The following ARFGAP2 variants were observed in gnomAD, a reference collection of about 807,000 sequenced individuals.
The protein encoded by ARFGAP2 is ARF GTPase activating protein 2.
In ARFGAP2, 45 loss-of-function variants were observed where a neutral mutation model predicts 71.9. That is an observed-to-expected ratio of 0.63 (90% CI 0.49 to 0.80). ARFGAP2 has a LOEUF of 0.80. ARFGAP2 is among the 30% of genes least tolerant of loss of function. The probability of loss-of-function intolerance (pLI) is 0.00; values close to 1 mark genes in which losing one functional copy is unlikely to be tolerated. For synonymous variants in ARFGAP2, 248 were observed against 249.2 expected (o/e 1.00, Z 0.05); for missense variants, 633 against 673.9 (o/e 0.94, Z 0.67).
chr11:47,168,321 G>A (rs1590948357), intron 10 of ARFGAP2, 70 bp from the exon 11 acceptor site: 1 of 1,597,622 alleles, frequency 6.3e-7, no homozygotes. Context: ...AAGAGACAAT[G>A]CCCAGCAACT....
chr11:47,166,422 A>C, intron 14 of ARFGAP2, 36 bp from the exon 15 acceptor site: 1 of 1,612,188 alleles, frequency 6.2e-7, no homozygotes, highest in East Asian at 2.2e-5. Flanking sequence ...AGAGCCCAGC[A>C]AGAAGCCCTT....
intron 2 of ARFGAP2, 109 bp downstream of exon 2, chr11:47,176,407 G>T: frequency 9.1e-7 from 1 of 1,095,772 alleles, no homozygotes; most frequent in Non-Finnish European, 1.4e-6. Context: ...CGGCCCAGAG[G>T]CTTCCCACCG....
chr11:47,168,102 A>G, intron 11 of ARFGAP2, 21 bp downstream of exon 11: 1 of 1,614,246 alleles, frequency 6.2e-7, no homozygotes, highest in Non-Finnish European at 8.5e-7. Context: ...AGCCAAGTTT[A>G]CAGCTAGAAA....
chr11:47,176,152 G>GGCAC, intron 2 of ARFGAP2: 4 of 598,662 alleles, frequency 6.7e-6, no homozygotes, highest in Non-Finnish European at 1.2e-5. Flanking sequence ...CACATTCTCA[G>GGCAC]GCACGCACGC....
Position 47,173,849 on chromosome 11 carries a change from G to C in ARFGAP2, c.481-9C>G. 1.9e-6 allele frequency: 3 copies of C among 1,592,844 alleles called. No individual in the cohort carries two copies. Among genetic ancestry groups the C allele is most frequent in the Non-Finnish European group, 2.6e-6 (3 of 1,170,100 alleles). On this transcript the variant is annotated splice_polypyrimidine_tract_variant and intron_variant, in intron 5 of 15. Transcript: ENST00000524782. The stretch of plus-strand genomic sequence containing the variant: ...GCATCCCAGGCAGGGGGCTGAAAAG[G>C]AGGCCAGATCACAGATGCCTCGGTG...
intron 5 of ARFGAP2, 139 bp downstream of exon 5, chr11:47,174,876 G>A (rs560907160): frequency 1.1e-6 from 1 of 880,340 alleles, no homozygotes; most frequent in African/African-American, 1.7e-5. Context: ...TACCCAGCAG[G>A]AACAGTGGAC....
intron 11 of ARFGAP2, 39 bp downstream of exon 11, chr11:47,168,084 A>G: frequency 6.2e-7 from 1 of 1,614,168 alleles, no homozygotes; most frequent in Non-Finnish European, 8.5e-7. Context: ...CCTGATGAGG[A>G]ACACAGCAGC....
At chr11:47,167,694 T>C (rs1952438136) in intron 12 of ARFGAP2, among the ~76,000 whole-genome samples, 1 of 152,122 alleles carries the variant, frequency 6.6e-6, no homozygotes, top group Admixed American at 6.5e-5. Context: ...TTTACGTTTA[T>C]CAGAAATTAA....
chr11:47,173,570 C>A, intron 6 of ARFGAP2, 88 bp from the exon 7 acceptor site: 1 of 1,448,416 alleles, frequency 6.9e-7, no homozygotes, highest in Non-Finnish European at 9.3e-7. Context: ...GAATCGGTGG[C>A]TTTCCTCAGC....
rs969878712 is a variant in ARFGAP2 at position 47,175,143 on chromosome 11, C to A, written c.396+39G>T. On this transcript the variant is annotated intron_variant, in intron 4 of 15. Coordinates refer to ENST00000524782, the MANE Select transcript of ARFGAP2 (RefSeq NM_032389.6). ...CCTAAAACACAGGGCTCTGAATACT[C>A]CTAACCCTCCTGCCCCAGCCCCAAG... The A allele has an allele frequency of 1.9e-6, 3 of 1,614,140 alleles. No homozygotes were observed. In the African/African-American group the frequency reaches 4.0e-5, roughly 22 times the overall value.
rs1398676491 is a variant in ARFGAP2, at chr11:47,175,247, C to T, written c.331G>A (p.Ala111Thr). Reference protein sequence around the residue: ...DANTKYNSRAAQMYREKIRQL... With the variant: ...DANTKYNSRATQMYREKIRQL... ...CGGATCTTCTCCCGGTACATCTGGG[C>T]AGCTCGGCTATTATATTTGGTGTTG... Residue 111 changes from alanine (A) to threonine (T), a missense_variant, in exon 4 of 16, where the codon GCC becomes ACC. Coordinates refer to ENST00000524782, the MANE Select transcript of ARFGAP2 (RefSeq NM_032389.6). The T allele has an allele frequency of 6.2e-7, 1 of 1,614,026 alleles. No homozygotes were observed. Among genetic ancestry groups the T allele is most frequent in the African/African-American group, 1.3e-5 (1 of 74,912 alleles).
At position 47,171,731 on chromosome 11, in the gene ARFGAP2, C is replaced by T; in HGVS notation, c.742G>A (p.Ala248Thr). The stretch of plus-strand genomic sequence containing the variant: ...TCACGGAGCTTCTCTGCCACCTGAG[C>T]CTGCCGCTCAATCTCACTGAAGCTC... ...SQSFSEIERQ[A>T]QVAEKLREQQ... Residue 248 changes from alanine (A) to threonine (T), a missense_variant, in exon 9 of 16, where the codon GCT (alanine) becomes ACT (threonine). By Grantham distance (58) the Ala-to-Thr change is moderately conservative. Coordinates refer to ENST00000524782, the MANE Select transcript of ARFGAP2 (RefSeq NM_032389.6). 1 of 1,613,982 alleles carries T rather than the reference C, an allele frequency of 6.2e-7. No individual in the cohort carries two copies. The highest frequency in any genetic ancestry group is 8.5e-7 in the Non-Finnish European group (1 of 1,180,036).
chr11:47,175,687 G>C, intron 3 of ARFGAP2, 164 bp downstream of exon 3: 2 of 761,374 alleles, frequency 2.6e-6, no homozygotes, highest in South Asian at 3.5e-5. Flanking sequence ...ACCCATTTAA[G>C]AGAAGCTGTG....
intron 5 of ARFGAP2, among the ~76,000 whole-genome samples, chr11:47,174,117 C>G (rs1695698969): frequency 6.6e-6 from 1 of 152,178 alleles, no homozygotes; most frequent in African/African-American, 2.4e-5. Flanking sequence ...AGGCACAGAT[C>G]TAAAGGCTCC....
At chr11:47,173,103 A>C in intron 7 of ARFGAP2, 1 of 419,234 alleles carries the variant, frequency 2.4e-6, no homozygotes, top group Non-Finnish European at 4.4e-6. Flanking sequence ...GCACCAGACA[A>C]GCCAGCCCTG....
chr11:47,166,181 A>G (rs1952366959), intron 15 of ARFGAP2, 87 bp downstream of exon 15: 3 of 1,381,898 alleles, frequency 2.2e-6, no homozygotes, highest in Non-Finnish European at 3.1e-6. Flanking sequence ...CTTAAGGCTC[A>G]GAGGGGCTGA....
chr11:47,172,114 G>GCTTTAAATCCCTTTAAAT (rs1214450321), intron 8 of ARFGAP2, 167 bp downstream of exon 8: 3 of 808,690 alleles, frequency 3.7e-6, no homozygotes, highest in Non-Finnish European at 6.1e-6. Context: ...TTGAAGACAG[G>GCTTTAAATCCCTTTAAAT]CTTTAAATCC....
At position 47,175,202 on chromosome 11, in the gene ARFGAP2, G is replaced by A; in HGVS notation, c.376C>T (p.Leu126=). The stretch of plus-strand genomic sequence containing the variant: ...CTTACATCAGTGCCATGCCTAGCCA[G>A]GGCCGCACTCCCCAGCTGCCGGATC... ...EKIRQLGSAA[L]ARHGTDLWID... Residue 126 remains leucine, a synonymous_variant, in exon 4 of 16, where the codon CTG becomes TTG. Coordinates refer to ENST00000524782, the MANE Select transcript of ARFGAP2 (RefSeq NM_032389.6). 6.2e-7 allele frequency: 1 copy of A among 1,614,172 alleles called. No homozygotes were observed. Among genetic ancestry groups the A allele is most frequent in the Non-Finnish European group, 8.5e-7 (1 of 1,180,022 alleles).
chr11:47,173,374 T>C (rs1319451373), intron 7 of ARFGAP2, 52 bp downstream of exon 7: 42 of 1,545,472 alleles, frequency 2.7e-5, no homozygotes, highest in African/African-American at 6.9e-5. Flanking sequence ...AAAAGAACAT[T>C]TGAGGTCCAC....
Sources: allele counts gnomAD v4.1 joint callset (sites outside exome capture counted in the v4.1 genomes callset), GRCh38; gene constraint gnomAD v4.1.1; transcripts MANE v1.5; gene names NCBI Gene and HGNC (gene_info 2026-07-23, HGNC 2026-07-21).